Variants in ELAVL4 observed in about 807,000 individuals in gnomAD.
The protein encoded by ELAVL4 is ELAV-like protein 4.
Under a neutral mutation model 35.6 loss-of-function variants are expected in ELAVL4, and 1 was observed. That is an observed-to-expected ratio of 0.03 (90% CI 0.01 to 0.13). The LOEUF is 0.13. Ranked by LOEUF, ELAVL4 falls within the 10% of genes least tolerant of loss-of-function variation. The probability of loss-of-function intolerance (pLI) is 1.00; values close to 1 mark genes in which losing one functional copy is unlikely to be tolerated. For missense variants in ELAVL4, 267 were observed against 464.9 expected (o/e 0.57, Z 3.91); for synonymous variants, 156 against 171.0 (o/e 0.91, Z 0.69).
chr1:50,191,833 T>C (rs1572611650), intron 3 of ELAVL4, among the ~76,000 whole-genome samples: 2 of 152,300 alleles, frequency 1.3e-5, no homozygotes, highest in East Asian at 1.9e-4. Context: ...AGGTTGTGTT[T>C]TGAGGGAGCA....
intron 2 of ELAVL4, among the ~76,000 whole-genome samples, chr1:50,162,107 C>T (rs1322456697): frequency 1.3e-5 from 2 of 152,084 alleles, no homozygotes; most frequent in African/African-American, 4.8e-5. Flanking sequence ...GAATCTGAGG[C>T]CTCCTTGATT....
intron 1 of ELAVL4, among the ~76,000 whole-genome samples, chr1:50,083,510 C>G (rs1000617337): frequency 6.6e-6 from 1 of 152,188 alleles, no homozygotes; most frequent in Admixed American, 6.5e-5. Context: ...GTATGTCTGA[C>G]TTCAAAGCTC....
chr1:50,177,008 A>T, intron 2 of ELAVL4, 81 bp from the exon 3 acceptor site: 1 of 1,182,358 alleles, frequency 8.5e-7, no homozygotes, highest in Non-Finnish European at 1.2e-6. Context: ...CTATAAAGAT[A>T]CTGAGCATGC....
chr1:50,163,473 C>T (rs1677155405), intron 2 of ELAVL4, among the ~76,000 whole-genome samples: 1 of 152,116 alleles, frequency 6.6e-6, no homozygotes, highest in Non-Finnish European at 1.5e-5. Flanking sequence ...GAATGGGATA[C>T]TTTGGGATAT....
chr1:50,067,095 A>G (rs1255163821), intron 1 of ELAVL4, among the ~76,000 whole-genome samples: 1 of 152,114 alleles, frequency 6.6e-6, no homozygotes, highest in South Asian at 2.1e-4. Context: ...TAAAGGTTTT[A>G]TTCACTTTCC....
At position 50,057,300 on chromosome 1, in the gene ELAVL4, AAG is replaced by A. The variant is rs1572101185; in HGVS notation, c.18+9121_18+9122del. 3.3e-5 allele frequency among the ~76,000 whole-genome samples: 5 copies of A among 152,322 alleles called. No individual in the cohort carries two copies. In the South Asian group the frequency reaches 1.0e-3, roughly 32 times the overall value. ...TGTGTTTTCAGCTAAGTGTTATTAT[AAG>A]AGTCTAAAAGTTTAAAAATTTATAA... On this transcript the variant is annotated intron_variant, in intron 1 of 6. Coordinates refer to the ELAVL4 transcript ENST00000448907.
At chr1:50,110,956 C>A (rs1666966001) in intron 1 of ELAVL4, among the ~76,000 whole-genome samples, 1 of 151,650 alleles carries the variant, frequency 6.6e-6, no homozygotes, top group Non-Finnish European at 1.5e-5. Context: ...GAACACACTG[C>A]AAACAGTGTA....
At chr1:50,174,926 T>G (rs1017786677) in intron 2 of ELAVL4, among the ~76,000 whole-genome samples, 1 of 152,186 alleles carries the variant, frequency 6.6e-6, no homozygotes, top group Admixed American at 6.5e-5. Flanking sequence ...CAATGTGAGT[T>G]AGGTCTAATT....
At chr1:50,093,342 C>T (rs529144168) in intron 1 of ELAVL4, among the ~76,000 whole-genome samples, 6 of 152,146 alleles carry the variant, frequency 3.9e-5, no homozygotes, top group Admixed American at 1.3e-4. Flanking sequence ...TTGAATTCTC[C>T]CCACACATTA....
intron 1 of ELAVL4, among the ~76,000 whole-genome samples, chr1:50,075,894 C>A (rs1664739731): frequency 6.6e-6 from 1 of 152,048 alleles, no homozygotes; most frequent in East Asian, 1.9e-4. Context: ...GTGGCATGAT[C>A]TCGGCTCGCT....
At chr1:50,143,537 C>T (rs147915783) in intron 1 of ELAVL4, among the ~76,000 whole-genome samples, 245 of 152,246 alleles carry the variant, frequency 1.6e-3, no homozygotes, top group African/African-American at 5.1e-3. Flanking sequence ...CGGTTCTTAC[C>T]GCTTTGCCAT....
chr1:50,099,839 C>T (rs1162595874), upstream of ELAVL4, among the ~76,000 whole-genome samples: 1 of 152,164 alleles, frequency 6.6e-6, no homozygotes, highest in Non-Finnish European at 1.5e-5. Flanking sequence ...AAATGTTTCC[C>T]TTGTAATCCT....
Position 50,080,155 on chromosome 1 carries a change from A to T in ELAVL4, c.18+31973A>T, listed in dbSNP as rs567619131. Reference sequence around the variant, plus strand: ...GAGAAAGTTTAAGTGCGGTCTTTAAACATTGCTAACATTAACAATTCCCAT... The same window carrying T: ...GAGAAAGTTTAAGTGCGGTCTTTAATCATTGCTAACATTAACAATTCCCAT... On this transcript the variant is annotated intron_variant, in intron 1 of 6. Transcript: ENST00000448907. Among the ~76,000 whole-genome samples, 23 of 152,298 alleles carry T rather than the reference A, an allele frequency of 1.5e-4. 1 individual carries two copies. The South Asian group carries it at 4.4e-3, about 29-fold the overall frequency.
At chr1:50,132,721 CAG>C (rs1671070606) in intron 1 of ELAVL4, among the ~76,000 whole-genome samples, 1 of 152,118 alleles carries the variant, frequency 6.6e-6, no homozygotes, top group African/African-American at 2.4e-5. Context: ...GGGGAGGAGA[CAG>C]AATCATTTTT....
intron 3 of ELAVL4, chr1:50,179,598 C>T (rs1680693571): frequency 6.6e-6 from 1 of 152,140 alleles, no homozygotes; most frequent in South Asian, 2.1e-4. Flanking sequence ...AGATCTATCT[C>T]TTTGCTCTGA....
chr1:50,146,412 T>C (rs760174653), intron 2 of ELAVL4, among the ~76,000 whole-genome samples: 2 of 152,198 alleles, frequency 1.3e-5, no homozygotes, highest in Non-Finnish European at 2.9e-5. Context: ...AACTGGAAGA[T>C]AATGCTTGTC....
intron 1 of ELAVL4, among the ~76,000 whole-genome samples, chr1:50,141,135 G>T (rs1442697453): frequency 5.3e-5 from 8 of 152,164 alleles, no homozygotes; most frequent in African/African-American, 1.9e-4. Flanking sequence ...CTTTCACCAC[G>T]TGTCTGAAAA....
intron 2 of ELAVL4, among the ~76,000 whole-genome samples, chr1:50,145,556 A>G (rs1673558627): frequency 6.6e-6 from 1 of 152,024 alleles, no homozygotes; most frequent in Non-Finnish European, 1.5e-5. Flanking sequence ...TCCTCCTCTC[A>G]ATATTTGCTT....
intron 1 of ELAVL4, among the ~76,000 whole-genome samples, chr1:50,138,354 C>T (rs990098981): frequency 2.6e-5 from 4 of 152,096 alleles, no homozygotes; most frequent in African/African-American, 9.7e-5. Context: ...GTACATTTTT[C>T]TGAGGATATA....
Sources: allele counts gnomAD v4.1 joint callset (sites outside exome capture counted in the v4.1 genomes callset), GRCh38; gene constraint gnomAD v4.1.1; transcripts MANE v1.5; gene names NCBI Gene and HGNC (gene_info 2026-07-23, HGNC 2026-07-21).